Variants in KCNIP4 observed in about 807,000 individuals in gnomAD.
KCNIP4 encodes the protein potassium voltage-gated channel interacting protein 4.
In KCNIP4, 12 loss-of-function variants were observed where a neutral mutation model predicts 34.0. The ratio of observed to expected loss-of-function variants is 0.35; its 90% confidence interval spans 0.23 to 0.57. The LOEUF is 0.57. Among genes scored for constraint, KCNIP4 ranks in the 20% least tolerant of loss-of-function variants. The probability of loss-of-function intolerance (pLI) is 0.83; values close to 1 mark genes in which losing one functional copy is unlikely to be tolerated. For missense variants in KCNIP4, 238 were observed against 311.7 expected, an observed-to-expected ratio of 0.76 and a Z score of 1.78; for synonymous variants, 124 against 102.2, an observed-to-expected ratio of 1.21 and a Z score of -1.29.
chr4:21,401,584 A>C (rs897485006), intron 1 of KCNIP4, among the ~76,000 whole-genome samples: 2 of 152,224 alleles, frequency 1.3e-5, no homozygotes, highest in Admixed American at 1.3e-4. Context: ...CAAGAAAAAA[A>C]ATCCCTTTCA....
intron 1 of KCNIP4, among the ~76,000 whole-genome samples, chr4:20,901,588 A>G (rs554118484): frequency 6.6e-6 from 1 of 152,352 alleles, no homozygotes; most frequent in African/African-American, 2.4e-5. Context: ...TATGGTGTCA[A>G]TCTATGAATC....
chr4:20,864,255 C>A (rs545397670), intron 2 of KCNIP4, among the ~76,000 whole-genome samples: 1 of 150,188 alleles, frequency 6.7e-6, no homozygotes, highest in East Asian at 2.0e-4. Flanking sequence ...TGTATATATG[C>A]ACACATATGT....
intron 3 of KCNIP4, among the ~76,000 whole-genome samples, chr4:20,840,761 C>A (rs182316524): frequency 3.3e-4 from 50 of 152,286 alleles, no homozygotes; most frequent in Non-Finnish European, 6.2e-4. Flanking sequence ...GTTACTGGAG[C>A]TGTGTGTTAC....
intron 1 of KCNIP4, among the ~76,000 whole-genome samples, chr4:21,212,509 T>A (rs572594293): frequency 6.6e-6 from 1 of 152,308 alleles, no homozygotes; most frequent in African/African-American, 2.4e-5. Flanking sequence ...AAAACATTGT[T>A]TCACGGTTGT....
intron 2 of KCNIP4, among the ~76,000 whole-genome samples, chr4:20,867,006 A>C (rs1722942588): frequency 6.6e-6 from 1 of 152,126 alleles, no homozygotes; most frequent in African/African-American, 2.4e-5. Flanking sequence ...AAGAAATCAA[A>C]GTGACACAAA....
intron 1 of KCNIP4, among the ~76,000 whole-genome samples, chr4:21,422,101 C>G (rs190507924): frequency 1.3e-4 from 20 of 151,974 alleles, no homozygotes; most frequent in Admixed American, 3.3e-4. Flanking sequence ...TTCATAAACA[C>G]TAACTTGAAG....
chr4:20,829,254 C>A (rs974237173), intron 3 of KCNIP4, among the ~76,000 whole-genome samples: 1 of 151,696 alleles, frequency 6.6e-6, no homozygotes, highest in African/African-American at 2.4e-5. Context: ...GTCGCCCAGG[C>A]TGGAGTGCAG....
At chr4:21,827,221 C>T (rs1002711022) in intron 1 of KCNIP4, among the ~76,000 whole-genome samples, 1 of 151,908 alleles carries the variant, frequency 6.6e-6, no homozygotes, top group South Asian at 2.1e-4. Flanking sequence ...CTATAAAAAT[C>T]CAGTGTATGG....
intron 1 of KCNIP4, among the ~76,000 whole-genome samples, chr4:21,809,282 C>T (rs1721483714): frequency 6.6e-6 from 1 of 152,162 alleles, no homozygotes; most frequent in Admixed American, 6.5e-5. Flanking sequence ...CCATCTTCTC[C>T]TGCTCTTGGA....
At chr4:21,369,250 T>C (rs1720092363) in intron 1 of KCNIP4, among the ~76,000 whole-genome samples, 1 of 147,348 alleles carries the variant, frequency 6.8e-6, no homozygotes. Flanking sequence ...ATGATGGTTA[T>C]CAATATTAAC....
intron 1 of KCNIP4, among the ~76,000 whole-genome samples, chr4:21,343,075 G>A (rs980102959): frequency 2.0e-5 from 3 of 152,056 alleles, no homozygotes; most frequent in Non-Finnish European, 4.4e-5. Flanking sequence ...CATAAGAATA[G>A]AGAAAGAAAG....
chr4:21,032,464 C>T (rs561151533), intron 1 of KCNIP4, among the ~76,000 whole-genome samples: 5 of 152,182 alleles, frequency 3.3e-5, no homozygotes, highest in Non-Finnish European at 7.4e-5. Flanking sequence ...TTTCAAAGAA[C>T]ATATGACTCA....
chr4:21,517,462 G>A (rs546474956), intron 1 of KCNIP4, among the ~76,000 whole-genome samples: 2 of 152,308 alleles, frequency 1.3e-5, no homozygotes, highest in East Asian at 3.9e-4. Flanking sequence ...TTCCCAATAT[G>A]TGAATGGAGG....
At chr4:20,858,061 A>T (rs1156493957) in intron 2 of KCNIP4, among the ~76,000 whole-genome samples, 2 of 151,776 alleles carry the variant, frequency 1.3e-5, no homozygotes, top group Non-Finnish European at 2.9e-5. Flanking sequence ...AATACAAAAA[A>T]TTAGGCGGGT....
chr4:21,259,091 T>C (rs1485390679), intron 1 of KCNIP4, among the ~76,000 whole-genome samples: 1 of 152,190 alleles, frequency 6.6e-6, no homozygotes, highest in African/African-American at 2.4e-5. Flanking sequence ...TTTCACGTCA[T>C]ACTGATAGTT....
intron 1 of KCNIP4, among the ~76,000 whole-genome samples, chr4:21,326,425 G>GT (rs908644315): frequency 6.0e-5 from 9 of 150,050 alleles, no homozygotes; most frequent in Non-Finnish European, 1.2e-4. Flanking sequence ...CAATCCTGCT[G>GT]TTTTTTGGTT....
intron 1 of KCNIP4, among the ~76,000 whole-genome samples, chr4:21,865,613 G>A (rs533115625): frequency 1.3e-5 from 2 of 151,348 alleles, no homozygotes; most frequent in African/African-American, 2.4e-5. Context: ...GTGTGATCTC[G>A]GCTCACTGCA....
chr4:21,535,213 A>C (rs1452520450), intron 1 of KCNIP4, among the ~76,000 whole-genome samples: 1 of 152,216 alleles, frequency 6.6e-6, no homozygotes, highest in Non-Finnish European at 1.5e-5. Context: ...GGCAAGTTTA[A>C]AGAGCCAAAA....
intron 1 of KCNIP4, among the ~76,000 whole-genome samples, chr4:21,096,014 A>G (rs889733558): frequency 6.6e-6 from 1 of 152,206 alleles, no homozygotes; most frequent in Non-Finnish European, 1.5e-5. Flanking sequence ...TGAATATGGC[A>G]TATAGCTTAT....
Sources: allele counts gnomAD v4.1 joint callset (sites outside exome capture counted in the v4.1 genomes callset), GRCh38; gene constraint gnomAD v4.1.1; transcripts MANE v1.5; gene names NCBI Gene and HGNC (gene_info 2026-07-23, HGNC 2026-07-21).